Variants in FGF12 observed in about 807,000 individuals in gnomAD.
FGF12 encodes the protein fibroblast growth factor 12.
Under a neutral mutation model 23.6 loss-of-function variants are expected in FGF12, and 14 were observed. The ratio of observed to expected loss-of-function variants is 0.59; its 90% CI spans 0.39 to 0.93. The LOEUF is 0.93. Ranked by LOEUF, FGF12 falls within the 40% of genes least tolerant of loss-of-function variation. The pLI is 0.00. For missense variants in FGF12, 175 were observed against 217.8 expected, an observed-to-expected ratio of 0.80 and a Z score of 1.24; for synonymous variants, 62 against 77.3, an observed-to-expected ratio of 0.80 and a Z score of 1.04.
rs149044264 is a variant in FGF12, at chr3:192,182,738, G to A, written c.229-12082C>T. 2.5e-3 allele frequency among the ~76,000 whole-genome samples: 381 copies of A among 152,222 alleles called. 2 individuals carry two copies. Among genetic ancestry groups the A allele is most frequent in the African/African-American group, 8.8e-3 (367 of 41,532 alleles). On this transcript the variant is annotated intron_variant, in intron 4 of 5. Coordinates refer to ENST00000445105, the MANE Select transcript of FGF12 (RefSeq NM_004113.6). ...CATTTTTCAGTATTTTCATGACTCA[G>A]ATCAATCCCAACATCCAGGGGGCCC...
intron 2 of FGF12, among the ~76,000 whole-genome samples, chr3:192,633,170 C>A (rs1405673021): frequency 1.3e-5 from 2 of 152,036 alleles, no homozygotes; most frequent in African/African-American, 2.4e-5. Flanking sequence ...CTCAGCCTCC[C>A]GAGTAGCTGG....
chr3:192,387,134 G>A (rs985450381), intron 2 of FGF12, among the ~76,000 whole-genome samples: 1 of 152,144 alleles, frequency 6.6e-6, no homozygotes, highest in South Asian at 2.1e-4. Context: ...CAAATCCTGG[G>A]ATCGTAATCA....
intron 2 of FGF12, among the ~76,000 whole-genome samples, chr3:192,555,253 G>C (rs1186283201): frequency 6.6e-6 from 1 of 152,120 alleles, no homozygotes; most frequent in Admixed American, 6.5e-5. Flanking sequence ...TAATCAAATT[G>C]TCAAAAGTCA....
chr3:192,285,960 C>T (rs1272994105), intron 4 of FGF12, among the ~76,000 whole-genome samples: 1 of 151,946 alleles, frequency 6.6e-6, no homozygotes, highest in Non-Finnish European at 1.5e-5. Context: ...GACGAGACTG[C>T]AGTTTAGGAG....
At chr3:192,405,677 T>C (rs1458010652) in intron 2 of FGF12, among the ~76,000 whole-genome samples, 1 of 152,216 alleles carries the variant, frequency 6.6e-6, no homozygotes, top group Non-Finnish European at 1.5e-5. Context: ...TTCTTTTTGG[T>C]GTTTAGCAAC....
chr3:192,355,380 GGATA>G (rs966639095), intron 3 of FGF12, among the ~76,000 whole-genome samples: 5 of 152,184 alleles, frequency 3.3e-5, no homozygotes, highest in South Asian at 4.1e-4. Flanking sequence ...ATGGATGGAT[GGATA>G]GATATTGTAC....
chr3:192,361,616 A>G (rs975154127), intron 2 of FGF12, among the ~76,000 whole-genome samples: 15 of 152,194 alleles, frequency 9.9e-5, no homozygotes, highest in African/African-American at 3.6e-4. Flanking sequence ...ACTAATGTTT[A>G]CCAAGAATGT....
Position 192,229,030 on chromosome 3 carries a change from T to C in FGF12, c.229-58374A>G, listed in dbSNP as rs183796493. Among the ~76,000 whole-genome samples the C allele has an allele frequency of 8.5e-5, 13 of 152,160 alleles. No homozygotes were observed. The East Asian group carries it at 2.3e-3, about 27-fold the overall frequency. On this transcript the variant is annotated intron_variant, in intron 4 of 5. Coordinates refer to ENST00000445105, the MANE Select transcript of FGF12 (RefSeq NM_004113.6). ...GATAATTTCAGGCTATGGTAGAGCT[T>C]ATTATATTGTGAGATTCCTCACCTC... is the stretch of plus-strand genomic sequence containing the variant.
intron 2 of FGF12, among the ~76,000 whole-genome samples, chr3:192,692,765 T>C (rs1717984206): frequency 3.3e-5 from 5 of 151,816 alleles, no homozygotes. Flanking sequence ...TTGACAAAGT[T>C]TGACATCGTT....
intron 2 of FGF12, among the ~76,000 whole-genome samples, chr3:192,725,830 T>A (rs1207617673): frequency 1.3e-5 from 2 of 152,212 alleles, no homozygotes; most frequent in East Asian, 1.9e-4. Flanking sequence ...AAGGACTGCC[T>A]TTTTATTTTA....
chr3:192,658,585 G>A (rs1246706909), intron 2 of FGF12, among the ~76,000 whole-genome samples: 1 of 152,040 alleles, frequency 6.6e-6, no homozygotes, highest in Admixed American at 6.6e-5. Context: ...AGGGCACTTG[G>A]CTTATTTTGA....
Position 192,639,268 on chromosome 3 carries a change from T to G in FGF12, c.13+87913A>C, listed in dbSNP as rs139256049. On this transcript the variant is annotated intron_variant, in intron 2 of 5. Transcript: ENST00000445105. ...ACAATGAGATATCACCTCACACCTATGAGGATGGCTATTACCAAAGAGTTA... is the reference window on the plus strand; with the variant it reads ...ACAATGAGATATCACCTCACACCTAGGAGGATGGCTATTACCAAAGAGTTA... Among the ~76,000 whole-genome samples the G allele has an allele frequency of 8.4e-3, 1,285 of 152,274 alleles. 20 individuals carry two copies. The highest frequency in any genetic ancestry group is 0.03 in the African/African-American group (1,251 of 41,548).
chr3:192,623,350 G>A (rs959730632), intron 2 of FGF12, among the ~76,000 whole-genome samples: 1 of 152,074 alleles, frequency 6.6e-6, no homozygotes, highest in African/African-American at 2.4e-5. Flanking sequence ...TCTGATCAGG[G>A]GATTACAATG....
intron 2 of FGF12, among the ~76,000 whole-genome samples, chr3:192,501,726 C>G (rs1577022025): frequency 6.6e-6 from 1 of 152,302 alleles, no homozygotes; most frequent in Non-Finnish European, 1.5e-5. Context: ...TTTATTTCTA[C>G]TCTAAACATA....
In FGF12 at chr3:192,221,503, C is replaced by T. The variant is rs149027843; in HGVS notation, c.229-50847G>A. Reference sequence around the variant, plus strand: ...TGATCAGTATCTTTATACTAAGGTACGTTAATAAACACCAGTGGTGCTGGA... The same window carrying T: ...TGATCAGTATCTTTATACTAAGGTATGTTAATAAACACCAGTGGTGCTGGA... On this transcript the variant is annotated intron_variant, in intron 4 of 5. Transcript: ENST00000445105. Among the ~76,000 whole-genome samples, 7 of 152,176 alleles carry T rather than the reference C, an allele frequency of 4.6e-5. No individual in the cohort carries two copies. In the South Asian group the frequency reaches 6.2e-4, roughly 14 times the overall value.
Position 192,587,584 on chromosome 3 carries a change from G to T in FGF12, c.13+139597C>A, listed in dbSNP as rs550740944. Among the ~76,000 whole-genome samples the T allele has an allele frequency of 1.8e-4, 28 of 152,058 alleles. No homozygotes were observed. In the East Asian group the frequency reaches 5.0e-3, roughly 27 times the overall value. ...TAATCCCAGCACTTTGGGAGGCTGA[G>T]GCAGGAGGATCAGTGGAGCCCAGAA... On this transcript the variant is annotated intron_variant, in intron 2 of 5. Transcript: ENST00000445105.
chr3:192,524,336 G>T (rs1223194470), intron 2 of FGF12, among the ~76,000 whole-genome samples: 1 of 152,192 alleles, frequency 6.6e-6, no homozygotes, highest in Non-Finnish European at 1.5e-5. Flanking sequence ...TTCATTTAAA[G>T]ATCTGACCAA....
intron 2 of FGF12, among the ~76,000 whole-genome samples, chr3:192,614,434 A>G (rs1388873872): frequency 2.0e-5 from 3 of 151,930 alleles, no homozygotes; most frequent in Non-Finnish European, 4.4e-5. Flanking sequence ...TTTAACTTCT[A>G]AAAAACTTCA....
intron 2 of FGF12, among the ~76,000 whole-genome samples, chr3:192,599,079 G>A (rs566180303): frequency 6.6e-6 from 1 of 152,152 alleles, no homozygotes; most frequent in Admixed American, 6.6e-5. Context: ...CATGGACACA[G>A]GGAGGGGAAT....
Sources: allele counts gnomAD v4.1 joint callset (sites outside exome capture counted in the v4.1 genomes callset), GRCh38; gene constraint gnomAD v4.1.1; transcripts MANE v1.5; gene names NCBI Gene and HGNC (gene_info 2026-07-23, HGNC 2026-07-21).